SCN8A: variants seen among roughly 807,000 people sequenced by gnomAD.
SCN8A encodes the protein sodium channel protein type 8 subunit alpha.
SCN8A carries 30 observed loss-of-function variants against 184.1 expected under a neutral mutation model. The ratio of observed to expected loss-of-function variants is 0.16; its 90% CI spans 0.12 to 0.22. SCN8A has a LOEUF of 0.22. Among genes scored for constraint, SCN8A ranks in the 10% least tolerant of loss-of-function variants. The pLI is 1.00. For synonymous variants in SCN8A, 852 were observed against 907.0 expected (o/e 0.94, Z 1.09); for missense variants, 1,057 against 2,498.9 (o/e 0.42, Z 12.30).
At chr12:51,655,274 G>A (rs888498128) in intron 1 of SCN8A, among the ~76,000 whole-genome samples, 8 of 151,902 alleles carry the variant, frequency 5.3e-5, no homozygotes, top group East Asian at 1.9e-4. Context: ...TGTTATAACC[G>A]CATTTCAATA....
chr12:51,595,707 C>G (rs890371065), intron 1 of SCN8A, among the ~76,000 whole-genome samples: 4 of 152,244 alleles, frequency 2.6e-5, no homozygotes, highest in Non-Finnish European at 4.4e-5. Flanking sequence ...ACACATAGTG[C>G]TTAATATATA....
At chr12:51,751,791 T>G (rs1388664644) in intron 14 of SCN8A, among the ~76,000 whole-genome samples, 198 bp downstream of exon 14, 1 of 152,220 alleles carries the variant, frequency 6.6e-6, no homozygotes, top group Non-Finnish European at 1.5e-5. Context: ...CTGCAGAACT[T>G]TGAAGACGTC....
At chr12:51,698,446 G>A (rs547585234) in intron 6 of SCN8A, among the ~76,000 whole-genome samples, 4 of 152,264 alleles carry the variant, frequency 2.6e-5, no homozygotes, top group Admixed American at 1.3e-4. Context: ...AAGGCTTAGC[G>A]CCTGCCTCTT....
chr12:51,800,298 G>T (rs1938521042), intron 26 of SCN8A, among the ~76,000 whole-genome samples: 1 of 152,220 alleles, frequency 6.6e-6, no homozygotes, highest in African/African-American at 2.4e-5. Context: ...GCTGCAGTTG[G>T]AGTCGTCACC....
chr12:51,641,233 T>A (rs576666015), intron 1 of SCN8A, among the ~76,000 whole-genome samples: 1 of 152,288 alleles, frequency 6.6e-6, no homozygotes, highest in African/African-American at 2.4e-5. Context: ...TGTGCATAGG[T>A]TATATGCAAA....
At chr12:51,604,251 C>T (rs1311994528) in intron 1 of SCN8A, among the ~76,000 whole-genome samples, 1 of 150,434 alleles carries the variant, frequency 6.6e-6, no homozygotes, top group African/African-American at 2.5e-5. Flanking sequence ...GAGATTTAGG[C>T]CTAGGTTTAT....
In SCN8A at chr12:51,674,347, T is replaced by G. The variant is rs557618876; in HGVS notation, c.277-9827T>G. Among the ~76,000 whole-genome samples the G allele has an allele frequency of 3.3e-3, 508 of 152,190 alleles. 3 individuals carry two copies. Among genetic ancestry groups the G allele is most frequent in the Non-Finnish European group, 4.3e-3 (291 of 67,978 alleles). On this transcript the variant is annotated intron_variant, in intron 2 of 26. Coordinates refer to ENST00000627620, the MANE Select transcript of SCN8A (RefSeq NM_001330260.2). ...CCCTTCTTGTCATCTTCTTTTTTTTTTGAGAGAGAGAGTCTTGTTCTGTCA... is the reference window on the plus strand; with the variant it reads ...CCCTTCTTGTCATCTTCTTTTTTTTGTGAGAGAGAGAGTCTTGTTCTGTCA...
chr12:51,603,968 CAG>C (rs993787540), intron 1 of SCN8A, among the ~76,000 whole-genome samples: 35 of 152,252 alleles, frequency 2.3e-4, no homozygotes, highest in African/African-American at 8.2e-4. Context: ...GATATCAAAA[CAG>C]ATATCTTTAT....
At chr12:51,783,196 G>A (rs936728458) in intron 21 of SCN8A, among the ~76,000 whole-genome samples, 1 of 152,168 alleles carries the variant, frequency 6.6e-6, no homozygotes, top group Non-Finnish European at 1.5e-5. Context: ...TTCTGTGGGA[G>A]AGTAACTGCA....
chr12:51,646,588 C>T (rs1174875139), intron 1 of SCN8A, among the ~76,000 whole-genome samples: 1 of 152,180 alleles, frequency 6.6e-6, no homozygotes, highest in Admixed American at 6.5e-5. Context: ...AAATGAAACA[C>T]TTTTCAGTTT....
At chr12:51,788,460 T>G (rs1172093108) in intron 22 of SCN8A, 2 of 327,742 alleles carry the variant, frequency 6.1e-6, no homozygotes, top group African/African-American at 4.2e-5. Flanking sequence ...TCGTAAAGCC[T>G]TAATCCCATT....
Position 51,770,002 on chromosome 12 carries a change from A to G in SCN8A, c.3490+17A>G, listed in dbSNP as rs1565918504. ...TCACAGAAGGTGAAAGGGGATGAGGAGCGGATGGGCTGGGGACACTCGTGT... is the reference window on the plus strand; with the variant it reads ...TCACAGAAGGTGAAAGGGGATGAGGGGCGGATGGGCTGGGGACACTCGTGT... On this transcript the variant is annotated intron_variant, in intron 18 of 26. Transcript: ENST00000627620. 2.6e-6 allele frequency: 4 copies of G among 1,529,684 alleles called. No homozygotes were observed. Among genetic ancestry groups the G allele is most frequent in the Non-Finnish European group, 3.6e-6 (4 of 1,119,634 alleles). The allele number at this position is 1,529,684 out of a possible 1,614,324, so 94.8% of individuals were successfully genotyped here.
chr12:51,742,065 G>A (rs1942435719), intron 12 of SCN8A, among the ~76,000 whole-genome samples: 1 of 152,164 alleles, frequency 6.6e-6, no homozygotes, highest in Non-Finnish European at 1.5e-5. Flanking sequence ...CATGCAAAAA[G>A]AAAACTAATA....
At chr12:51,649,129 G>A (rs1220726273) in intron 1 of SCN8A, among the ~76,000 whole-genome samples, 3 of 152,186 alleles carry the variant, frequency 2.0e-5, no homozygotes, top group Non-Finnish European at 4.4e-5. Flanking sequence ...GCTCCCAAGT[G>A]ATCTCCTTTG....
chr12:51,726,754 C>T (rs1032603918), intron 12 of SCN8A, among the ~76,000 whole-genome samples: 1 of 152,066 alleles, frequency 6.6e-6, no homozygotes, highest in Admixed American at 6.5e-5. Context: ...ATTTTCATTC[C>T]TTTTCTTACA....
In SCN8A at chr12:51,678,195, T is replaced by G. The variant is rs184622447; in HGVS notation, c.277-5979T>G. On this transcript the variant is annotated intron_variant, in intron 2 of 26. Transcript: ENST00000627620. ...AGTCATTCCTTTCCATTCTCCCATATTCACTGTTCTCCTGAGAACAGGGGA... is the reference window on the plus strand; with the variant it reads ...AGTCATTCCTTTCCATTCTCCCATAGTCACTGTTCTCCTGAGAACAGGGGA... 2.0e-3 allele frequency among the ~76,000 whole-genome samples: 306 copies of G among 152,342 alleles called. 1 individual carries two copies. Among genetic ancestry groups the G allele is most frequent in the Non-Finnish European group, 3.6e-3 (244 of 68,028 alleles).
intron 21 of SCN8A, among the ~76,000 whole-genome samples, chr12:51,782,757 C>A (rs377162896): frequency 1.3e-5 from 2 of 152,188 alleles, no homozygotes; most frequent in African/African-American, 4.8e-5. Flanking sequence ...ATTTGAATAA[C>A]CTGGATGCAG....
intron 1 of SCN8A, among the ~76,000 whole-genome samples, chr12:51,626,548 A>G (rs964871903): frequency 6.6e-6 from 1 of 152,208 alleles, no homozygotes; most frequent in Non-Finnish European, 1.5e-5. Flanking sequence ...AAAACCATTC[A>G]TTCATTAATT....
At chr12:51,745,419 T>C (rs1457146185) in intron 12 of SCN8A, among the ~76,000 whole-genome samples, 4 of 152,158 alleles carry the variant, frequency 2.6e-5, no homozygotes, top group Non-Finnish European at 5.9e-5. Context: ...ATAATGGTGC[T>C]CCTACTCAAG....
Sources: allele counts gnomAD v4.1 joint callset (sites outside exome capture counted in the v4.1 genomes callset), GRCh38; gene constraint gnomAD v4.1.1; transcripts MANE v1.5; gene names NCBI Gene and HGNC (gene_info 2026-07-23, HGNC 2026-07-21).